SGCZ: variants seen among roughly 807,000 people sequenced by gnomAD.
SGCZ encodes the protein zeta-sarcoglycan.
In SGCZ, 40 loss-of-function variants were observed where a neutral mutation model predicts 41.3. That is an observed-to-expected ratio of 0.97 (90% CI 0.75 to 1.26). The LOEUF (loss-of-function observed/expected upper bound fraction) is 1.26, where lower values mean the gene tolerates loss of function less well. SGCZ is among the 50% of genes most tolerant of loss of function. The pLI is 0.00. For missense variants in SGCZ, 552 were observed against 369.8 expected (o/e 1.49, Z -4.04); for synonymous variants, 206 against 137.5 (o/e 1.50, Z -3.49).
rs71304966 is a variant in SGCZ, at chr8:14,190,014, C to CTTTTTTTTTTTTTTTTTTTTTTT, written c.425-25313_425-25312insAAAAAAAAAAAAAAAAAAAAAAA. Among the ~76,000 whole-genome samples, 8 of 100,200 alleles carry CTTTTTTTTTTTTTTTTTTTTTTT rather than the reference C, an allele frequency of 8.0e-5. 1 individual carries two copies. The highest frequency in any genetic ancestry group is 5.8e-4 in the East Asian group (2 of 3,438). 65.7% of individuals were successfully genotyped at this position (100,200 alleles called of 152,430 possible). A position where few individuals can be genotyped will look rare whatever the true frequency, so the allele number is the denominator to read the frequency against. On this transcript the variant is annotated intron_variant, in intron 4 of 7. Coordinates refer to ENST00000382080, the MANE Select transcript of SGCZ (RefSeq NM_139167.4). ...GAATCTACTTTTTCTTTCTTTCTTT[C>CTTTTTTTTTTTTTTTTTTTTTTT]TTTTTTTTTTTTTTTTGAGACGGAC...
At chr8:14,803,014 G>T (rs975517278) in intron 1 of SGCZ, among the ~76,000 whole-genome samples, 2 of 152,126 alleles carry the variant, frequency 1.3e-5, no homozygotes, top group African/African-American at 4.8e-5. Context: ...CTGCTCCCTT[G>T]GAACGTATTT....
At chr8:14,394,981 A>C (rs1798869047) in intron 2 of SGCZ, among the ~76,000 whole-genome samples, 1 of 152,172 alleles carries the variant, frequency 6.6e-6, no homozygotes, top group East Asian at 1.9e-4. Context: ...CACGTTCCTT[A>C]ATCACTTGGG....
Position 14,475,418 on chromosome 8 carries a change from T to C in SGCZ, c.234+79314A>G, listed in dbSNP as rs62499725. ...AACATTATTAACTATAAAAAGGTTTTTAACAAAAGTCCTTTTTTAAAGGAT... is the reference window on the plus strand; with the variant it reads ...AACATTATTAACTATAAAAAGGTTTCTAACAAAAGTCCTTTTTTAAAGGAT... On this transcript the variant is annotated intron_variant, in intron 2 of 7. Transcript: ENST00000382080. Among the ~76,000 whole-genome samples, 1,268 of 152,238 alleles carry C rather than the reference T, an allele frequency of 8.3e-3. 6 individuals are homozygous for C. The highest frequency in any genetic ancestry group is 0.027 in the South Asian group (131 of 4,824).
intron 2 of SGCZ, among the ~76,000 whole-genome samples, chr8:14,461,155 C>G (rs1800890980): frequency 6.6e-6 from 1 of 152,100 alleles, no homozygotes; most frequent in African/African-American, 2.4e-5. Context: ...GTAGGATTCT[C>G]TGTCAGCTCC....
chr8:14,709,393 T>C (rs773643855), intron 1 of SGCZ, among the ~76,000 whole-genome samples: 1 of 152,224 alleles, frequency 6.6e-6, no homozygotes, highest in Non-Finnish European at 1.5e-5. Context: ...TTATTTTGTG[T>C]AATGTCACAA....
At chr8:14,090,744 A>T (rs928200618) in intron 7 of SGCZ, 107 bp from the exon 8 acceptor site, 3 of 965,704 alleles carry the variant, frequency 3.1e-6, no homozygotes, top group Non-Finnish European at 3.0e-6. Context: ...ACAACAAACA[A>T]TTCCATGGTT....
intron 6 of SGCZ, among the ~76,000 whole-genome samples, chr8:14,104,007 C>G (rs939731059): frequency 2.0e-5 from 3 of 152,166 alleles, no homozygotes; most frequent in African/African-American, 7.2e-5. Flanking sequence ...TAAATGTTGT[C>G]CCACTTCTCT....
chr8:14,893,187 A>G (rs964711677), intron 1 of SGCZ, among the ~76,000 whole-genome samples: 1 of 152,128 alleles, frequency 6.6e-6, no homozygotes. Context: ...GTTCACAGAA[A>G]GAGATGGACT....
chr8:14,997,765 G>C (rs902440850), intron 1 of SGCZ, among the ~76,000 whole-genome samples: 1 of 152,150 alleles, frequency 6.6e-6, no homozygotes, highest in Non-Finnish European at 1.5e-5. Flanking sequence ...TGAGAGACCA[G>C]CCTGGTCAAC....
At chr8:14,496,731 G>A (rs1801998828) in intron 2 of SGCZ, among the ~76,000 whole-genome samples, 2 of 151,886 alleles carry the variant, frequency 1.3e-5, no homozygotes, top group Admixed American at 1.3e-4. Context: ...CTTTTCCCTA[G>A]CCATAGACAG....
chr8:14,651,963 CA>C (rs1394617511), intron 1 of SGCZ, among the ~76,000 whole-genome samples: 24 of 151,110 alleles, frequency 1.6e-4, no homozygotes, highest in Non-Finnish European at 2.1e-4. Context: ...AAAAAGCAAA[CA>C]AAAAAAACGG....
intron 5 of SGCZ, among the ~76,000 whole-genome samples, chr8:14,137,974 C>G (rs1156675029): frequency 6.6e-6 from 1 of 152,206 alleles, no homozygotes; most frequent in Non-Finnish European, 1.5e-5. Flanking sequence ...AGACTAACAG[C>G]AGACCTCTCA....
intron 2 of SGCZ, among the ~76,000 whole-genome samples, chr8:14,422,189 A>G (rs1052798047): frequency 6.6e-6 from 1 of 152,222 alleles, no homozygotes; most frequent in Non-Finnish European, 1.5e-5. Flanking sequence ...AAATATGAGA[A>G]AAGTAATGAG....
chr8:14,491,715 C>T (rs970635393), intron 2 of SGCZ, among the ~76,000 whole-genome samples: 1 of 152,144 alleles, frequency 6.6e-6, no homozygotes, highest in African/African-American at 2.4e-5. Flanking sequence ...CTTTGTTACA[C>T]TGTCCAGTAA....
At chr8:14,751,038 A>T (rs989756733) in intron 1 of SGCZ, among the ~76,000 whole-genome samples, 7 of 152,242 alleles carry the variant, frequency 4.6e-5, no homozygotes, top group African/African-American at 7.2e-5. Context: ...TGCTATTGCT[A>T]TCATATGTAC....
chr8:15,036,340 T>C (rs10888100), intron 1 of SGCZ, among the ~76,000 whole-genome samples: 84,414 of 151,872 alleles, frequency 0.56, 24,330 homozygotes, highest in Non-Finnish European at 0.64. Flanking sequence ...GAATCAGTAA[T>C]AAAATGTCTC....
At chr8:14,920,258 C>T (rs1251772011) in intron 1 of SGCZ, among the ~76,000 whole-genome samples, 1 of 152,092 alleles carries the variant, frequency 6.6e-6, no homozygotes, top group Non-Finnish European at 1.5e-5. Flanking sequence ...ATCATCATAA[C>T]CCAAACTGAA....
intron 4 of SGCZ, among the ~76,000 whole-genome samples, chr8:14,175,277 GA>G (rs1344695703): frequency 6.6e-6 from 1 of 151,806 alleles, no homozygotes; most frequent in African/African-American, 2.4e-5. Flanking sequence ...TTTATGTGAA[GA>G]AAATTATAAA....
At chr8:14,643,352 T>C (rs1807088910) in intron 1 of SGCZ, among the ~76,000 whole-genome samples, 1 of 151,596 alleles carries the variant, frequency 6.6e-6, no homozygotes, top group South Asian at 2.1e-4. Flanking sequence ...AGAGATATAT[T>C]TGGATTCATG....
Sources: allele counts gnomAD v4.1 joint callset (sites outside exome capture counted in the v4.1 genomes callset), GRCh38; gene constraint gnomAD v4.1.1; transcripts MANE v1.5; gene names NCBI Gene and HGNC (gene_info 2026-07-23, HGNC 2026-07-21).